Variants in LPP observed in about 807,000 individuals in gnomAD.
LPP encodes the protein LIM domain containing preferred translocation partner in lipoma.
A neutral mutation model predicts 60.4 loss-of-function variants in LPP; 38 were observed. The observed-to-expected ratio is 0.63, with a 90% CI of 0.49 to 0.83. The LOEUF (loss-of-function observed/expected upper bound fraction) is 0.83, where lower values mean the gene tolerates loss of function less well. LPP is among the 40% of genes least tolerant of loss of function. The pLI is 0.00. For missense variants in LPP, 902 were observed against 783.6 expected, an observed-to-expected ratio of 1.15 and a Z score of -1.80; for synonymous variants, 328 against 290.8, an observed-to-expected ratio of 1.13 and a Z score of -1.30.
chr3:188,426,817 G>A lies in LPP; in HGVS notation c.193+20504G>A, dbSNP rs114165147. ...TCCGTTTGCTTGGTAAATATTCCTC[G>A]ATCCATTTATTTTGAGCCTGTATGT... is the stretch of plus-strand genomic sequence containing the variant. On this transcript the variant is annotated intron_variant, in intron 4 of 11. Transcript: ENST00000617246. 3.0e-3 allele frequency among the ~76,000 whole-genome samples: 454 copies of A among 151,940 alleles called. 2 individuals are homozygous for A. Among genetic ancestry groups the A allele is most frequent in the African/African-American group, 0.01 (427 of 41,472 alleles).
chr3:188,375,603 T>G (rs923714068), intron 3 of LPP, among the ~76,000 whole-genome samples: 14 of 152,192 alleles, frequency 9.2e-5, no homozygotes, highest in Admixed American at 3.3e-4. Context: ...TCTTTTCTTC[T>G]TTATTAGTCT....
At chr3:188,348,073 T>G (rs1184806303) in intron 3 of LPP, among the ~76,000 whole-genome samples, 2 of 152,192 alleles carry the variant, frequency 1.3e-5, no homozygotes, top group African/African-American at 4.8e-5. Context: ...TTGTGTGGCC[T>G]TGGATAAGTT....
At chr3:188,276,335 A>G (rs1420677094) in intron 2 of LPP, among the ~76,000 whole-genome samples, 4 of 152,106 alleles carry the variant, frequency 2.6e-5, no homozygotes, top group Non-Finnish European at 4.4e-5. Flanking sequence ...CCGGACCCCA[A>G]CTTCGTATTC....
Position 188,746,662 on chromosome 3 carries a change from A to C in LPP, c.1241-13451A>C, listed in dbSNP as rs115218213. On this transcript the variant is annotated intron_variant, in intron 8 of 11. Transcript: ENST00000617246. ...ATTTTTATGCAGTTTCTGTGGACTT[A>C]CATGGTTTCTGGGAGCTCCCTATAA... 2.6e-3 allele frequency: 1,075 copies of C among 409,948 alleles called. 15 individuals are homozygous for C. The highest frequency in any genetic ancestry group is 0.02 in the African/African-American group (997 of 48,794). The allele number at this position is 409,948 out of a possible 1,614,324, so 25.4% of individuals were successfully genotyped here.
intron 7 of LPP, among the ~76,000 whole-genome samples, chr3:188,683,219 G>C (rs1859917177): frequency 1.3e-5 from 2 of 151,916 alleles, no homozygotes; most frequent in South Asian, 2.1e-4. Flanking sequence ...ATGAGGTAAA[G>C]GGATGTCTAT....
Position 188,469,595 on chromosome 3 carries a change from T to C in LPP, c.194-14997T>C, listed in dbSNP as rs144203154. On this transcript the variant is annotated intron_variant, in intron 4 of 11. Coordinates refer to ENST00000617246, the MANE Select transcript of LPP (RefSeq NM_001375462.1). ...ACCCCGAGGCTCCGTATGCAGTTCC[T>C]TTCCAAGATTTTTAAACATTCTGGG... Among the ~76,000 whole-genome samples, 1,393 of 152,264 alleles carry C rather than the reference T, an allele frequency of 9.1e-3. 20 individuals are homozygous for C. Among genetic ancestry groups the C allele is most frequent in the Non-Finnish European group, 9.9e-3 (673 of 68,014 alleles).
At chr3:188,452,763 A>C (rs147525701) in intron 4 of LPP, among the ~76,000 whole-genome samples, 1 of 152,226 alleles carries the variant, frequency 6.6e-6, no homozygotes, top group Non-Finnish European at 1.5e-5. Flanking sequence ...CAAGTAGTTC[A>C]CATCCTGGGA....
At chr3:188,482,042 G>T (rs935823449) in intron 4 of LPP, among the ~76,000 whole-genome samples, 2 of 152,174 alleles carry the variant, frequency 1.3e-5, no homozygotes, top group South Asian at 2.1e-4. Flanking sequence ...CTGTTCTCAT[G>T]ATAGTGAGTG....
At chr3:188,681,522 A>G (rs1859516480) in intron 7 of LPP, among the ~76,000 whole-genome samples, 1 of 152,158 alleles carries the variant, frequency 6.6e-6, no homozygotes, top group Non-Finnish European at 1.5e-5. Context: ...AAAGATTTGT[A>G]ATGCCTTAAC....
At chr3:188,718,471 G>GTT (rs1423556936) in intron 8 of LPP, among the ~76,000 whole-genome samples, 8 of 152,152 alleles carry the variant, frequency 5.3e-5, no homozygotes, top group Non-Finnish European at 1.2e-4. Flanking sequence ...AAGGAATTTT[G>GTT]TGTATGTATT....
intron 2 of LPP, among the ~76,000 whole-genome samples, chr3:188,230,238 G>A (rs543234111): frequency 2.0e-5 from 3 of 151,930 alleles, no homozygotes; most frequent in South Asian, 2.1e-4. Context: ...GGTGCGTGCC[G>A]CCACGCCCAG....
chr3:188,307,087 A>T (rs985773183), intron 2 of LPP, among the ~76,000 whole-genome samples: 1 of 152,234 alleles, frequency 6.6e-6, no homozygotes, highest in East Asian at 1.9e-4. Context: ...ATGTGCTAGA[A>T]ACTTTGCTAT....
intron 5 of LPP, among the ~76,000 whole-genome samples, chr3:188,509,689 T>C (rs868599433): frequency 1.0e-5 from 1 of 97,250 alleles, no homozygotes. Context: ...TTCCTTCCTC[T>C]CTCTCTCTCT....
At chr3:188,539,202 A>G (rs1262694071) in intron 6 of LPP, among the ~76,000 whole-genome samples, 2 of 152,174 alleles carry the variant, frequency 1.3e-5, no homozygotes, top group East Asian at 3.9e-4. Flanking sequence ...AAGGCTCTGT[A>G]TTGAATAATT....
chr3:188,507,349 G>A (rs1370000324), intron 5 of LPP, among the ~76,000 whole-genome samples: 2 of 152,200 alleles, frequency 1.3e-5, no homozygotes, highest in Admixed American at 6.5e-5. Flanking sequence ...TACATCTTGA[G>A]CAAATCAAGC....
At chr3:188,430,157 A>T (rs1453056984) in intron 4 of LPP, among the ~76,000 whole-genome samples, 1 of 151,886 alleles carries the variant, frequency 6.6e-6, no homozygotes, top group Admixed American at 6.6e-5. Flanking sequence ...ATTTAGACTT[A>T]CTAGGCCTAA....
intron 2 of LPP, among the ~76,000 whole-genome samples, chr3:188,307,498 CTATTT>C (rs1316763384): frequency 6.6e-6 from 1 of 152,174 alleles, no homozygotes; most frequent in Non-Finnish European, 1.5e-5. Flanking sequence ...CTCCTGTACT[CTATTT>C]TATTTTTGAG....
intron 4 of LPP, among the ~76,000 whole-genome samples, chr3:188,442,484 A>G (rs1794253794): frequency 2.6e-5 from 4 of 152,228 alleles, no homozygotes; most frequent in African/African-American, 9.6e-5. Context: ...TCACTGACGT[A>G]GCTGCTTTGG....
At chr3:188,590,085 G>A (rs1838336482) in intron 6 of LPP, among the ~76,000 whole-genome samples, 1 of 152,130 alleles carries the variant, frequency 6.6e-6, no homozygotes, top group Non-Finnish European at 1.5e-5. Context: ...TTCTAGGGTG[G>A]TAATTGCAGT....
Sources: allele counts gnomAD v4.1 joint callset (sites outside exome capture counted in the v4.1 genomes callset), GRCh38; gene constraint gnomAD v4.1.1; transcripts MANE v1.5; gene names NCBI Gene and HGNC (gene_info 2026-07-23, HGNC 2026-07-21).